The following TRIQK variants were observed in gnomAD, a reference collection of about 807,000 sequenced individuals.
The protein encoded by TRIQK is triple QxxK/R motif containing.
In TRIQK, 10 loss-of-function variants were observed where a neutral mutation model predicts 10.8. The ratio of observed to expected loss-of-function variants is 0.92; its 90% CI spans 0.57 to 1.57. The LOEUF (loss-of-function observed/expected upper bound fraction) is 1.57, where lower values mean the gene tolerates loss of function less well. Among genes scored for constraint, TRIQK ranks in the 40% most tolerant of loss-of-function variants. TRIQK has a pLI of 0.00. For missense variants in TRIQK, 107 were observed against 97.7 expected, an observed-to-expected ratio of 1.09 and a Z score of -0.40; for synonymous variants, 33 against 33.7, an observed-to-expected ratio of 0.98 and a Z score of 0.07.
At position 92,957,541 on chromosome 8, in the gene TRIQK, G is replaced by A. The variant is rs144578014; in HGVS notation, c.-180-2977C>T. Reference sequence around the variant, plus strand: ...TTTTACAAAGGCATTCCAAACAAACGTATTAATTTTAGTAGAAGAAATGCA... The same window carrying A: ...TTTTACAAAGGCATTCCAAACAAACATATTAATTTTAGTAGAAGAAATGCA... On this transcript the variant is annotated intron_variant, in intron 1 of 4. Coordinates refer to ENST00000521988, the MANE Select transcript of TRIQK (RefSeq NM_001171797.2). 4.6e-5 allele frequency among the ~76,000 whole-genome samples: 7 copies of A among 151,888 alleles called. No individual in the cohort carries two copies. In the South Asian group the frequency reaches 6.2e-4, roughly 13 times the overall value.
chr8:92,892,399 A>T (rs1816812745), intron 3 of TRIQK, among the ~76,000 whole-genome samples: 1 of 151,988 alleles, frequency 6.6e-6, no homozygotes, highest in Non-Finnish European at 1.5e-5. Flanking sequence ...TGCATAAGTA[A>T]ATGAGTATAT....
chr8:92,924,107 A>G (rs529829817), intron 2 of TRIQK, among the ~76,000 whole-genome samples: 1 of 152,136 alleles, frequency 6.6e-6, no homozygotes, highest in African/African-American at 2.4e-5. Context: ...GCTAAACGTG[A>G]AGCTATAGTT....
intron 3 of TRIQK, among the ~76,000 whole-genome samples, chr8:92,904,681 T>C (rs572681609): frequency 1.3e-5 from 2 of 152,132 alleles, no homozygotes; most frequent in African/African-American, 4.8e-5. Context: ...CAGGAGTAGA[T>C]AAACTCCACA....
At chr8:92,992,688 A>G (rs1427051192) in intron 1 of TRIQK, among the ~76,000 whole-genome samples, 2 of 152,196 alleles carry the variant, frequency 1.3e-5, no homozygotes, top group African/African-American at 4.8e-5. Context: ...GAGAACTCCA[A>G]GAGCTTGCTA....
At chr8:92,961,615 A>G (rs771742414) in intron 1 of TRIQK, among the ~76,000 whole-genome samples, 3 of 152,228 alleles carry the variant, frequency 2.0e-5, no homozygotes, top group Admixed American at 1.3e-4. Context: ...TCCACCTGCT[A>G]TAGGTAATAA....
At chr8:92,964,910 G>A (rs1812657330) in intron 1 of TRIQK, 2 of 152,164 alleles carry the variant, frequency 1.3e-5, no homozygotes, top group Admixed American at 6.5e-5. Context: ...TCCTCCCAAT[G>A]TTAACAAGCA....
intron 1 of TRIQK, among the ~76,000 whole-genome samples, chr8:93,007,890 C>T (rs1813289823): frequency 6.6e-6 from 1 of 152,124 alleles, no homozygotes; most frequent in Non-Finnish European, 1.5e-5. Context: ...TAGTCTAATC[C>T]AAATGCCCAT....
At chr8:92,976,532 G>C (rs142975454) in intron 1 of TRIQK, among the ~76,000 whole-genome samples, 3 of 151,806 alleles carry the variant, frequency 2.0e-5, no homozygotes, top group Non-Finnish European at 4.4e-5. Flanking sequence ...ATATTTTCAA[G>C]TGTTCTCTTT....
intron 1 of TRIQK, among the ~76,000 whole-genome samples, chr8:92,983,751 A>C (rs757645836): frequency 1.3e-5 from 2 of 152,050 alleles, no homozygotes; most frequent in Non-Finnish European, 2.9e-5. Context: ...TCTGCCACAG[A>C]TGTGGTTTGA....
chr8:92,971,324 G>T (rs1302080930), intron 1 of TRIQK, among the ~76,000 whole-genome samples: 1 of 152,006 alleles, frequency 6.6e-6, no homozygotes, highest in Non-Finnish European at 1.5e-5. Context: ...AAAAATAAAG[G>T]GTATTCAAAT....
intron 3 of TRIQK, among the ~76,000 whole-genome samples, chr8:92,916,370 G>T (rs1361407066): frequency 6.6e-6 from 1 of 152,126 alleles, no homozygotes; most frequent in African/African-American, 2.4e-5. Flanking sequence ...GTATCTCCTT[G>T]AGGGTCCAAG....
At chr8:93,012,716 T>C (rs899362987) in intron 1 of TRIQK, among the ~76,000 whole-genome samples, 1 of 152,174 alleles carries the variant, frequency 6.6e-6, no homozygotes, top group Non-Finnish European at 1.5e-5. Flanking sequence ...TGAACTCCAA[T>C]AGCATTTTGT....
At chr8:92,988,105 G>T (rs949680989) in intron 1 of TRIQK, among the ~76,000 whole-genome samples, 1 of 148,164 alleles carries the variant, frequency 6.7e-6, no homozygotes. Context: ...CCGCCTCCCG[G>T]GTTCACACCA....
chr8:92,946,825 A>G (rs1811559741), intron 2 of TRIQK, among the ~76,000 whole-genome samples: 1 of 150,636 alleles, frequency 6.6e-6, no homozygotes, highest in Non-Finnish European at 1.5e-5. Context: ...CAGTGGTGCA[A>G]TCTCGGCTCA....
At chr8:92,888,211 G>T (rs143243145) in intron 4 of TRIQK, among the ~76,000 whole-genome samples, 1 of 151,568 alleles carries the variant, frequency 6.6e-6, no homozygotes, top group Non-Finnish European at 1.5e-5. Flanking sequence ...GTCCCCATTC[G>T]CCCAAGCTTA....
chr8:92,950,996 T>C (rs952430127), intron 2 of TRIQK, among the ~76,000 whole-genome samples: 16 of 152,154 alleles, frequency 1.1e-4, no homozygotes, highest in Non-Finnish European at 1.5e-4. Context: ...CATTAACCTA[T>C]GTTGTACATT....
intron 1 of TRIQK, among the ~76,000 whole-genome samples, chr8:92,979,099 A>G (rs751635328): frequency 1.8e-4 from 28 of 152,108 alleles, no homozygotes; most frequent in Non-Finnish European, 3.1e-4. Flanking sequence ...GGGACACCCT[A>G]AATGCTGGGG....
chr8:93,000,855 A>C (rs1165640904), intron 1 of TRIQK, among the ~76,000 whole-genome samples: 1 of 151,262 alleles, frequency 6.6e-6, no homozygotes, highest in Non-Finnish European at 1.5e-5. Flanking sequence ...ACATAGCACT[A>C]CAGAAAACCA....
At chr8:92,959,524 A>G (rs971287910) in intron 1 of TRIQK, among the ~76,000 whole-genome samples, 2 of 144,046 alleles carry the variant, frequency 1.4e-5, no homozygotes, top group African/African-American at 2.5e-5. Context: ...CACACACACA[A>G]AATGGCTTTT....
Sources: allele counts gnomAD v4.1 joint callset (sites outside exome capture counted in the v4.1 genomes callset), GRCh38; gene constraint gnomAD v4.1.1; transcripts MANE v1.5; gene names NCBI Gene and HGNC (gene_info 2026-07-23, HGNC 2026-07-21).